ARHGAP6: variants seen among roughly 807,000 people sequenced by gnomAD.
ARHGAP6 encodes rho GTPase-activating protein 6.
Under a neutral mutation model 55.7 loss-of-function variants are expected in ARHGAP6, and 16 were observed. The observed-to-expected ratio is 0.29, with a 90% CI of 0.19 to 0.44. The LOEUF (loss-of-function observed/expected upper bound fraction) is 0.44, where lower values mean the gene tolerates loss of function less well. Among genes scored for constraint, ARHGAP6 ranks in the 20% least tolerant of loss-of-function variants. The pLI is 1.00. For missense variants in ARHGAP6, 698 were observed against 808.9 expected, an observed-to-expected ratio of 0.86 and a Z score of 1.66; for synonymous variants, 382 against 360.9, an observed-to-expected ratio of 1.06 and a Z score of -0.66.
intron 1 of ARHGAP6, among the ~76,000 whole-genome samples, chrX:11,552,049 A>T (rs1232452356): frequency 1.8e-5 from 2 of 112,136 alleles, no homozygotes; most frequent in African/African-American, 6.5e-5. Context: ...GGTATAAGGA[A>T]CTAAAACAAC....
At position 11,664,900 on chromosome X, in the gene ARHGAP6, G is replaced by T; in HGVS notation, c.-72C>A. 5.9e-6 allele frequency: 6 copies of T among 1,018,118 alleles called. No individual in the cohort carries two copies. The highest frequency in any genetic ancestry group is 7.9e-6 in the Non-Finnish European group (6 of 760,657). The allele number at this position is 1,018,118 out of a possible 1,213,427, so 83.9% of individuals were successfully genotyped here. ...CGCTGGTGGCTTTGGGTCGGGAACC[G>T]AAAGGGACTCAGGCAAAGGTGCCAG... On this transcript the variant is annotated 5_prime_UTR_variant, in exon 1 of 13. Coordinates refer to ENST00000337414, the MANE Select transcript of ARHGAP6 (RefSeq NM_013427.3).
At chrX:11,611,364 A>C (rs1247116326) in intron 1 of ARHGAP6, among the ~76,000 whole-genome samples, 19 of 112,132 alleles carry the variant, frequency 1.7e-4, no homozygotes, top group African/African-American at 5.8e-4. Flanking sequence ...AAACGGCAAG[A>C]AGCTAGGGCA....
At chrX:11,532,818 C>A in intron 1 of ARHGAP6, among the ~76,000 whole-genome samples, 1 of 111,705 alleles carries the variant, frequency 9.0e-6, no homozygotes, top group Admixed American at 9.5e-5. Flanking sequence ...TCCACAAAGC[C>A]TAAAATATTT....
In ARHGAP6 at chrX:11,427,638, G is replaced by T. The variant is rs186734731; in HGVS notation, c.589-172931C>A. 2.5e-3 allele frequency: 2,185 copies of T among 867,536 alleles called. 36 individuals carry two copies. In the African/African-American group the frequency reaches 0.041, roughly 16 times the overall value. 71.5% of individuals were successfully genotyped at this position (867,536 alleles called of 1,213,427 possible). The stretch of plus-strand genomic sequence containing the variant: ...TGGCGCGCCTTGGGCTCAGCCTGGG[G>T]TCACGGTGTCTCTCTGAGTTCCCCG... On this transcript the variant is annotated intron_variant, in intron 1 of 12. Transcript: ENST00000337414.
chrX:11,276,518 CA>C (rs1431896781), intron 1 of ARHGAP6, among the ~76,000 whole-genome samples: 1 of 109,684 alleles, frequency 9.1e-6, no homozygotes, highest in Non-Finnish European at 1.9e-5. Context: ...AGTAAAAATG[CA>C]AAAAAAAGAA....
At chrX:11,532,280 A>G (rs1233968354) in intron 1 of ARHGAP6, among the ~76,000 whole-genome samples, 1 of 112,951 alleles carries the variant, frequency 8.9e-6, no homozygotes, top group African/African-American at 3.2e-5. Flanking sequence ...GCGTGTAATG[A>G]TAAATACCAA....
chrX:11,651,609 A>G (rs2052584989), intron 1 of ARHGAP6, among the ~76,000 whole-genome samples: 2 of 111,730 alleles, frequency 1.8e-5, no homozygotes, highest in East Asian at 2.8e-4. Context: ...AGGGATGTGC[A>G]TGTATCTTTA....
chrX:11,661,152 C>T (rs1281484615), intron 1 of ARHGAP6, among the ~76,000 whole-genome samples: 1 of 112,628 alleles, frequency 8.9e-6, no homozygotes, highest in African/African-American at 3.2e-5. Flanking sequence ...ATAATCCCAG[C>T]TCTGATCCAC....
At chrX:11,418,529 G>GA (rs771744361) in intron 1 of ARHGAP6, among the ~76,000 whole-genome samples, 2 of 110,628 alleles carry the variant, frequency 1.8e-5, no homozygotes, top group South Asian at 3.8e-4. Context: ...GGCTTAGAGG[G>GA]AAAAAAAATC....
intron 1 of ARHGAP6, among the ~76,000 whole-genome samples, chrX:11,353,771 G>A (rs2048891478): frequency 9.0e-6 from 1 of 110,860 alleles, no homozygotes; most frequent in African/African-American, 3.3e-5. Flanking sequence ...TTCCCTAATT[G>A]TTCTGCCTCC....
chrX:11,510,851 G>A (rs184138775), intron 1 of ARHGAP6, among the ~76,000 whole-genome samples: 146 of 111,926 alleles, frequency 1.3e-3, no homozygotes, highest in African/African-American at 4.4e-3. Context: ...TCAAATCACA[G>A]CATCTATACA....
intron 2 of ARHGAP6, among the ~76,000 whole-genome samples, chrX:11,203,641 T>C (rs370136414): frequency 1.8e-5 from 2 of 112,109 alleles, no homozygotes; most frequent in East Asian, 5.6e-4. Flanking sequence ...GTTTTGTAAA[T>C]GTTTACAGAT....
intron 3 of ARHGAP6, among the ~76,000 whole-genome samples, chrX:11,195,301 G>A (rs1378514880): frequency 9.2e-6 from 1 of 108,501 alleles, no homozygotes; most frequent in African/African-American, 3.4e-5. Flanking sequence ...GCAGTGAGCC[G>A]AGATTGCACC....
intron 1 of ARHGAP6, among the ~76,000 whole-genome samples, chrX:11,290,898 T>C (rs920581983): frequency 8.9e-6 from 1 of 112,197 alleles, no homozygotes; most frequent in African/African-American, 3.2e-5. Context: ...AGAGTGTTCC[T>C]TTACTTTCAG....
chrX:11,592,874 G>A (rs898782439), intron 1 of ARHGAP6, among the ~76,000 whole-genome samples: 1 of 111,565 alleles, frequency 9.0e-6, no homozygotes, highest in African/African-American at 3.3e-5. Context: ...AGCCTCTGGT[G>A]AAATTTCTGG....
intron 1 of ARHGAP6, among the ~76,000 whole-genome samples, chrX:11,620,347 T>C (rs1339615990): frequency 8.9e-6 from 1 of 112,519 alleles, no homozygotes; most frequent in Non-Finnish European, 1.9e-5. Context: ...GTTCATGCTA[T>C]ATGGTGTCCC....
chrX:11,220,123 C>T (rs1180583626), intron 2 of ARHGAP6, among the ~76,000 whole-genome samples: 1 of 107,728 alleles, frequency 9.3e-6, no homozygotes, highest in East Asian at 2.9e-4. Flanking sequence ...CCAGTTTTCC[C>T]AGCACCATTT....
chrX:11,626,313 A>G (rs1024715802), intron 1 of ARHGAP6, among the ~76,000 whole-genome samples: 1 of 111,999 alleles, frequency 8.9e-6, no homozygotes, highest in Non-Finnish European at 1.9e-5. Context: ...GAGAAATTCA[A>G]TTGTCAATTT....
chrX:11,402,992 G>A (rs980904664), intron 1 of ARHGAP6, among the ~76,000 whole-genome samples: 4 of 112,152 alleles, frequency 3.6e-5, no homozygotes, highest in African/African-American at 9.7e-5. Context: ...CATCTTCTTC[G>A]AAAGGAACAG....
Sources: gnomAD v4.1 joint callset for allele counts (sites outside exome capture counted in the v4.1 genomes callset) on GRCh38, gnomAD v4.1.1 for gene constraint, MANE v1.5 for transcripts, NCBI Gene and HGNC (gene_info 2026-07-23, HGNC 2026-07-21) for gene names.